Variants in EXOC6B observed in about 807,000 individuals in gnomAD.
EXOC6B encodes exocyst complex component 6B, also known as SEC15 homolog B.
A neutral mutation model predicts 113.5 loss-of-function variants in EXOC6B; 54 were observed. The observed-to-expected ratio is 0.48, with a 90% CI of 0.38 to 0.60. The LOEUF (loss-of-function observed/expected upper bound fraction) is 0.60. Among genes scored for constraint, EXOC6B ranks in the 20% least tolerant of loss-of-function variants. EXOC6B has a pLI of 0.00. For missense variants in EXOC6B, 797 were observed against 977.5 expected (o/e 0.82, Z 2.46); for synonymous variants, 357 against 339.0 (o/e 1.05, Z -0.58).
chr2:72,310,748 C>T (rs1267473814), intron 20 of EXOC6B, among the ~76,000 whole-genome samples: 1 of 151,696 alleles, frequency 6.6e-6, no homozygotes, highest in Non-Finnish European at 1.5e-5. Flanking sequence ...TCCTTTGATA[C>T]CTAAGATATG....
At chr2:72,216,565 G>A (rs1359275769) in intron 20 of EXOC6B, among the ~76,000 whole-genome samples, 1 of 152,102 alleles carries the variant, frequency 6.6e-6, no homozygotes, top group Non-Finnish European at 1.5e-5. Context: ...TATACCCAAA[G>A]CAATATAAAT....
chr2:72,561,576 G>C (rs1356864846), intron 7 of EXOC6B, among the ~76,000 whole-genome samples: 1 of 152,052 alleles, frequency 6.6e-6, no homozygotes, highest in African/African-American at 2.4e-5. Context: ...TTATATGTCA[G>C]ACCCATCCTT....
rs566274655 is a variant in EXOC6B at position 72,728,193 on chromosome 2, T to A, written c.464+2814A>T. On this transcript the variant is annotated intron_variant, in intron 5 of 21. Transcript: ENST00000272427. Reference sequence around the variant, plus strand: ...ATCAAAGACAATGTAAACCCTTTCTTTGATCCAGCTGATCTCCTTCTAGAT... The same window carrying A: ...ATCAAAGACAATGTAAACCCTTTCTATGATCCAGCTGATCTCCTTCTAGAT... 1.1e-3 allele frequency among the ~76,000 whole-genome samples: 170 copies of A among 152,180 alleles called. 1 individual carries two copies. The highest frequency in any genetic ancestry group is 1.4e-3 in the Non-Finnish European group (93 of 68,030).
chr2:72,756,412 T>C (rs1186768737), intron 1 of EXOC6B, among the ~76,000 whole-genome samples: 3 of 152,202 alleles, frequency 2.0e-5, no homozygotes, highest in Non-Finnish European at 4.4e-5. Flanking sequence ...AAAGTTGTGA[T>C]ATATATTTCT....
At position 72,512,350 on chromosome 2, in the gene EXOC6B, AGG is replaced by A. The variant is rs1484186790; in HGVS notation, c.1167+780_1167+781del. On this transcript the variant is annotated intron_variant, in intron 11 of 21. Transcript: ENST00000272427. ...AAGGAAGGAAGGAAGGAAGGAAGGA[AGG>A]AAGGAAGGAAGGAAAGAAGGAAGGA... is the stretch of plus-strand genomic sequence containing the variant. Among the ~76,000 whole-genome samples the A allele has an allele frequency of 2.4e-3, 33 of 13,788 alleles. 1 individual carries two copies. The highest frequency in any genetic ancestry group is 5.0e-3 in the African/African-American group (31 of 6,162). The allele number at this position is 13,788 out of a possible 152,430, so 9.0% of individuals were successfully genotyped here.
At chr2:72,379,675 C>T in intron 19 of EXOC6B, 54 bp downstream of exon 19, 1 of 1,533,678 alleles carries the variant, frequency 6.5e-7, no homozygotes, top group Non-Finnish European at 8.8e-7. Flanking sequence ...TTTCCCCTGA[C>T]AGAAATGAGT....
At chr2:72,489,635 A>G (rs1699630547) in intron 16 of EXOC6B, among the ~76,000 whole-genome samples, 2 of 152,210 alleles carry the variant, frequency 1.3e-5, no homozygotes, top group Admixed American at 1.3e-4. Context: ...GGGCACAGCT[A>G]TTACGAGGAG....
At chr2:72,816,716 T>G (rs13390314) in intron 1 of EXOC6B, among the ~76,000 whole-genome samples, 7,511 of 152,294 alleles carry the variant, frequency 0.049, 608 homozygotes, top group African/African-American at 0.17. Context: ...GATCTGATGA[T>G]AACTAACAAA....
intron 20 of EXOC6B, among the ~76,000 whole-genome samples, chr2:72,334,156 T>C (rs1056892516): frequency 2.0e-5 from 3 of 151,866 alleles, no homozygotes; most frequent in South Asian, 4.2e-4. Context: ...TCCAACCCCA[T>C]CCATCTTAAG....
chr2:72,559,305 T>C (rs1573391745), intron 8 of EXOC6B, 148 bp downstream of exon 8: 1 of 467,562 alleles, frequency 2.1e-6, no homozygotes, highest in Admixed American at 4.2e-5. Context: ...AGATTCAAAA[T>C]TGTTTTTTAT....
At chr2:72,618,122 A>G (rs6761075) in intron 6 of EXOC6B, among the ~76,000 whole-genome samples, 139,582 of 152,112 alleles carry the variant, frequency 0.92, 64,078 homozygotes, top group East Asian at 0.99. Flanking sequence ...TAATCCCAGC[A>G]CTTTGGGAGA....
intron 20 of EXOC6B, among the ~76,000 whole-genome samples, chr2:72,290,665 A>G (rs1250364242): frequency 3.9e-5 from 6 of 151,932 alleles, no homozygotes; most frequent in Non-Finnish European, 8.8e-5. Flanking sequence ...AAATACTTTA[A>G]TTTTATTTAG....
chr2:72,490,769 C>T (rs955180724), intron 16 of EXOC6B, among the ~76,000 whole-genome samples: 2 of 152,088 alleles, frequency 1.3e-5, no homozygotes, highest in Non-Finnish European at 2.9e-5. Context: ...TTACCTGACC[C>T]GTACAGTGTT....
chr2:72,572,388 T>C (rs1321510389), intron 7 of EXOC6B, among the ~76,000 whole-genome samples: 5 of 152,184 alleles, frequency 3.3e-5, no homozygotes, highest in Non-Finnish European at 7.4e-5. Context: ...AGAAACATTG[T>C]TGGACAAAAC....
chr2:72,394,015 TG>T (rs768874034), intron 18 of EXOC6B, among the ~76,000 whole-genome samples: 25 of 152,216 alleles, frequency 1.6e-4, no homozygotes, highest in Non-Finnish European at 3.2e-4. Flanking sequence ...CTTTAACCTT[TG>T]TCTCAATTTC....
intron 20 of EXOC6B, among the ~76,000 whole-genome samples, chr2:72,257,189 A>G (rs534816252): frequency 1.3e-5 from 2 of 152,314 alleles, no homozygotes; most frequent in East Asian, 1.9e-4. Context: ...CAGTCCTAAC[A>G]TGGATTTGCC....
Position 72,498,543 on chromosome 2 carries a change from A to C in EXOC6B, c.1248T>G (p.Gly416=). The C allele has an allele frequency of 6.2e-7, 1 of 1,607,612 alleles. No homozygotes were observed. Among genetic ancestry groups the C allele is most frequent in the Non-Finnish European group, 8.5e-7 (1 of 1,177,272 alleles). ...TGTCAAAAAGCTGATTTACAGGGAA[A>C]CCATACACCTGAAACAAAATAAGAA... is the stretch of plus-strand genomic sequence containing the variant. ...VLFADTLQVY[G]FPVNQLFDML... Residue 416 remains glycine, a synonymous_variant, in exon 13 of 22, where the codon GGT becomes GGG. Coordinates refer to ENST00000272427, the MANE Select transcript of EXOC6B (RefSeq NM_015189.3).
At chr2:72,619,868 T>A (rs1015408668) in intron 6 of EXOC6B, among the ~76,000 whole-genome samples, 1 of 152,204 alleles carries the variant, frequency 6.6e-6, no homozygotes, top group Non-Finnish European at 1.5e-5. Flanking sequence ...GGCTTTCAGA[T>A]GACACAGAGC....
intron 8 of EXOC6B, among the ~76,000 whole-genome samples, chr2:72,532,157 C>T (rs369397210): frequency 2.0e-4 from 30 of 152,114 alleles, no homozygotes; most frequent in Middle Eastern, 6.8e-3. Flanking sequence ...TCAAAACATA[C>T]GTATCAGACA....
Sources: gnomAD v4.1 joint callset for allele counts (sites outside exome capture counted in the v4.1 genomes callset) on GRCh38, gnomAD v4.1.1 for gene constraint, MANE v1.5 for transcripts, NCBI Gene and HGNC (gene_info 2026-07-23, HGNC 2026-07-21) for gene names.